Variants in SSH1 observed in about 807,000 individuals in gnomAD.
SSH1 encodes the protein slingshot protein phosphatase 1, also known as protein phosphatase Slingshot homolog 1.
A neutral mutation model predicts 79.7 loss-of-function variants in SSH1; 43 were observed. The observed-to-expected ratio is 0.54, with a 90% CI of 0.42 to 0.70. SSH1 has a LOEUF of 0.70. Ranked by LOEUF, SSH1 falls within the 30% of genes least tolerant of loss-of-function variation. The pLI is 0.00. For synonymous variants in SSH1, 599 were observed against 538.3 expected (o/e 1.11, Z -1.56); for missense variants, 1,206 against 1,358.8 (o/e 0.89, Z 1.77).
chr12:108,793,395 TC>T (rs1326583326), intron 13 of SSH1, among the ~76,000 whole-genome samples: 4 of 146,518 alleles, frequency 2.7e-5, no homozygotes, highest in Non-Finnish European at 6.0e-5. Context: ...GTTTTTATAA[TC>T]CCTTTTTTTT....
At chr12:108,805,670 T>TA (rs2037234868) in intron 9 of SSH1, among the ~76,000 whole-genome samples, 1 of 150,092 alleles carries the variant, frequency 6.7e-6, no homozygotes, top group Non-Finnish European at 1.5e-5. Flanking sequence ...ACCAGCCTGG[T>TA]CAACACAGGA....
At chr12:108,796,825 C>T (rs907448724) in intron 13 of SSH1, among the ~76,000 whole-genome samples, 1 of 151,490 alleles carries the variant, frequency 6.6e-6, no homozygotes, top group Non-Finnish European at 1.5e-5. Flanking sequence ...TCACTGTAAC[C>T]TCCACCTCCC....
At chr12:108,833,946 A>G (rs1049634326) in intron 2 of SSH1, 1 of 152,154 alleles carries the variant, frequency 6.6e-6, no homozygotes, top group Non-Finnish European at 1.5e-5. Flanking sequence ...GCCGCTAACC[A>G]TTGCTCTCAT....
intron 5 of SSH1, among the ~76,000 whole-genome samples, chr12:108,816,651 C>A (rs1340040166): frequency 6.6e-6 from 1 of 152,204 alleles, no homozygotes; most frequent in Non-Finnish European, 1.5e-5. Flanking sequence ...CCCCGGGCCC[C>A]TCTGCCTGAG....
At chr12:108,823,451 G>A in intron 2 of SSH1, 90 bp from the exon 3 acceptor site, 4 of 1,034,806 alleles carry the variant, frequency 3.9e-6, no homozygotes, top group Admixed American at 4.0e-5. Context: ...GCTTTAGCGT[G>A]GACAAATGGC....
intron 2 of SSH1, among the ~76,000 whole-genome samples, chr12:108,840,742 ACTTT>A (rs2038756264): frequency 6.6e-6 from 1 of 152,190 alleles, no homozygotes; most frequent in Non-Finnish European, 1.5e-5. Flanking sequence ...AGATGCGAGT[ACTTT>A]CTTTCTAAAC....
At chr12:108,854,562 C>T (rs933854080) in intron 1 of SSH1, among the ~76,000 whole-genome samples, 2 of 152,124 alleles carry the variant, frequency 1.3e-5, no homozygotes, top group African/African-American at 2.4e-5. Context: ...TTTCCCACGC[C>T]GGCAGCAGGC....
chr12:108,798,353 T>G (rs2036840119), intron 13 of SSH1, among the ~76,000 whole-genome samples: 1 of 152,166 alleles, frequency 6.6e-6, no homozygotes, highest in Non-Finnish European at 1.5e-5. Flanking sequence ...GCATTTTTGT[T>G]TAAGAGATGG....
rs567004194 is a variant in SSH1 at position 108,855,042 on chromosome 12, T to C, written c.70-2364A>G. On this transcript the variant is annotated intron_variant, in intron 1 of 14. Transcript: ENST00000326495. ...TTTACTTTATGTTTATCAGGGTCAT[T>C]GGCACTTGGTAAAAATAATGCTTTA... is the stretch of plus-strand genomic sequence containing the variant. Among the ~76,000 whole-genome samples the C allele has an allele frequency of 4.6e-5, 7 of 152,298 alleles. No homozygotes were observed. In the South Asian group the frequency reaches 1.2e-3, roughly 27 times the overall value.
chr12:108,784,583 G>A lies in SSH1; in HGVS notation c.*3405C>T, dbSNP rs561229953. On this transcript the variant is annotated 3_prime_UTR_variant, in exon 15 of 15. Coordinates refer to ENST00000326495, the MANE Select transcript of SSH1 (RefSeq NM_018984.4). ...CATGCAACCAGGGACCTTGCTAGAAGGCTCGGAAGTAGCCGTAAGACAAAG... is the reference window on the plus strand; with the variant it reads ...CATGCAACCAGGGACCTTGCTAGAAAGCTCGGAAGTAGCCGTAAGACAAAG... The A allele has an allele frequency of 1.3e-5, 2 of 152,324 alleles. No homozygotes were observed. The highest frequency in any genetic ancestry group is 1.9e-4 in the East Asian group (1 of 5,184). The allele number at this position is 152,324 out of a possible 1,614,324, so 9.4% of individuals were successfully genotyped here.
rs190756629 is a variant in SSH1 at position 108,842,061 on chromosome 12, C to T, written c.110+10577G>A. On this transcript the variant is annotated intron_variant, in intron 2 of 14. Coordinates refer to ENST00000326495, the MANE Select transcript of SSH1 (RefSeq NM_018984.4). The stretch of plus-strand genomic sequence containing the variant: ...GGAGGACCAATTGAGCCCAGGAGGT[C>T]GGGGCTGCAGTGAGCTGTAATCATG... Among the ~76,000 whole-genome samples the T allele has an allele frequency of 5.3e-4, 80 of 151,708 alleles. 1 individual carries two copies. The highest frequency in any genetic ancestry group is 1.7e-3 in the African/African-American group (69 of 41,338).
At chr12:108,794,942 TTCCTC>T (rs1320242335) in intron 13 of SSH1, among the ~76,000 whole-genome samples, 4 of 152,180 alleles carry the variant, frequency 2.6e-5, no homozygotes, top group African/African-American at 9.7e-5. Context: ...ATCTGATTGT[TTCCTC>T]TGCTCTATTG....
At chr12:108,795,636 G>A (rs903093847) in intron 13 of SSH1, among the ~76,000 whole-genome samples, 8 of 151,848 alleles carry the variant, frequency 5.3e-5, no homozygotes, top group African/African-American at 7.3e-5. Context: ...TGGAAGGATC[G>A]ATTGAGCCCA....
At chr12:108,802,146 C>T (rs78525619) in intron 11 of SSH1, among the ~76,000 whole-genome samples, 176 bp downstream of exon 11, 3 of 152,208 alleles carry the variant, frequency 2.0e-5, no homozygotes, top group Non-Finnish European at 4.4e-5. Context: ...TTATTCAGGG[C>T]GTGGTGTTTG....
intron 3 of SSH1, among the ~76,000 whole-genome samples, chr12:108,820,463 T>C (rs1320342117): frequency 6.6e-6 from 1 of 152,184 alleles, no homozygotes; most frequent in Non-Finnish European, 1.5e-5. Flanking sequence ...GTCACAGAAC[T>C]GCATTGGGGA....
intron 6 of SSH1, among the ~76,000 whole-genome samples, chr12:108,810,579 C>T (rs2037533513): frequency 6.6e-6 from 1 of 151,902 alleles, no homozygotes; most frequent in South Asian, 2.1e-4. Context: ...AAAAATATCC[C>T]CATAACCCCA....
At chr12:108,832,043 T>G (rs1321307635) in intron 2 of SSH1, among the ~76,000 whole-genome samples, 2 of 152,220 alleles carry the variant, frequency 1.3e-5, no homozygotes, top group Non-Finnish European at 2.9e-5. Context: ...ATAGAGAGTT[T>G]GTCCCTACAT....
chr12:108,854,102 T>C (rs934265953), intron 1 of SSH1, among the ~76,000 whole-genome samples: 3 of 152,204 alleles, frequency 2.0e-5, no homozygotes, highest in African/African-American at 7.2e-5. Context: ...AAAGAGTATG[T>C]TGGGGTCTAA....
At chr12:108,826,741 C>A (rs1381824706) in intron 2 of SSH1, among the ~76,000 whole-genome samples, 1 of 152,128 alleles carries the variant, frequency 6.6e-6, no homozygotes, top group Non-Finnish European at 1.5e-5. Flanking sequence ...CACAGGCTCC[C>A]GATTCATCAG....
Sources: gnomAD v4.1 joint callset for allele counts (sites outside exome capture counted in the v4.1 genomes callset) on GRCh38, gnomAD v4.1.1 for gene constraint, MANE v1.5 for transcripts, NCBI Gene and HGNC (gene_info 2026-07-23, HGNC 2026-07-21) for gene names.